GRIN1: variants seen among roughly 807,000 people sequenced by gnomAD.
GRIN1 encodes the protein glutamate ionotropic receptor NMDA type subunit 1.
In GRIN1, 38 loss-of-function variants were observed where a neutral mutation model predicts 103.0. The ratio of observed to expected loss-of-function variants is 0.37; its 90% CI spans 0.28 to 0.48. The LOEUF (loss-of-function observed/expected upper bound fraction) is 0.48. Among genes scored for constraint, GRIN1 ranks in the 20% least tolerant of loss-of-function variants. The probability of loss-of-function intolerance (pLI) is 0.98; values close to 1 mark genes in which losing one functional copy is unlikely to be tolerated. For missense variants in GRIN1, 577 were observed against 1,288.9 expected (o/e 0.45, Z 8.46); for synonymous variants, 544 against 532.7 (o/e 1.02, Z -0.29).
rs1832542552 is a variant in GRIN1, at chr9:137,146,541, CT to C, written c.570+640del. Among the ~76,000 whole-genome samples the C allele has an allele frequency of 3.3e-5, 5 of 152,226 alleles. No homozygotes were observed. The highest frequency in any genetic ancestry group is 3.3e-4 in the Admixed American group (5 of 15,288). ...ATTAGCCACCTGGTTCTAGGACACACTGACCCCCAACACAGCCAGGCGTCCA... is the reference window on the plus strand; with the variant it reads ...ATTAGCCACCTGGTTCTAGGACACACGACCCCCAACACAGCCAGGCGTCCA... On this transcript the variant is annotated intron_variant, in intron 3 of 19. Coordinates refer to ENST00000371561, the MANE Select transcript of GRIN1 (RefSeq NM_007327.4). The surrounding 1 kb of genome is among the most constrained non-coding windows in gnomAD (Gnocchi z 6.7).
At chr9:137,147,055 C>T (rs963244040) in intron 3 of GRIN1, among the ~76,000 whole-genome samples, 2 of 149,470 alleles carry the variant, frequency 1.3e-5, no homozygotes, top group Admixed American at 6.6e-5. Flanking sequence ...CCCCAGCACC[C>T]GACAGGCCCC....
At chr9:137,145,669 TG>T in intron 2 of GRIN1, 56 bp from the exon 3 acceptor site, 1 of 984,886 alleles carries the variant, frequency 1.0e-6, no homozygotes, top group Non-Finnish European at 1.3e-6. Context: ...GGGAGGCGGG[TG>T]GGAGGGCGGG....
chr9:137,160,714 G>A (rs763727576), intron 8 of GRIN1, among the ~76,000 whole-genome samples: 14 of 152,216 alleles, frequency 9.2e-5, no homozygotes, highest in African/African-American at 1.4e-4. Flanking sequence ...ACAGGCGTGA[G>A]CCACAGCACC....
chr9:137,145,505 C>T (rs1342053350), intron 2 of GRIN1, among the ~76,000 whole-genome samples: 2 of 81,438 alleles, frequency 2.5e-5, no homozygotes, highest in East Asian at 4.0e-4. Flanking sequence ...GTGGGAGACA[C>T]GAGGGGGTCC....
Position 137,167,675 on chromosome 9 carries a change from C to CGCCGGTTG in GRIN1, c.*154_*161dup. On this transcript the variant is annotated 3_prime_UTR_variant, in exon 20 of 20. Coordinates refer to ENST00000371561, the MANE Select transcript of GRIN1 (RefSeq NM_007327.4). ...CTCCCCCAGGCTGCGCCTGCCCGCC[C>CGCCGGTTG]GCCGGTTGGCCGGCTGGCCGGTCCA... 1 of 1,544,414 alleles carries CGCCGGTTG rather than the reference C, an allele frequency of 6.5e-7. No homozygotes were observed. Among genetic ancestry groups the CGCCGGTTG allele is most frequent in the South Asian group, 1.2e-5 (1 of 83,322 alleles).
chr9:137,149,036 G>A lies in GRIN1; in HGVS notation c.598G>A (p.Gly200Arg). The A allele has an allele frequency of 6.2e-7, 1 of 1,613,616 alleles. No homozygotes were observed. Among genetic ancestry groups the A allele is most frequent in the Non-Finnish European group, 8.5e-7 (1 of 1,179,716 alleles). ...AGAGAAGGTGCTGCAGTTTGACCCA[G>A]GGACCAAGAACGTGACGGCCCTGCT... ...KAEKVLQFDP[G>R]TKNVTALLME... Residue 200 changes from glycine to arginine, a missense_variant, in exon 4 of 20, where the codon GGG (glycine) becomes AGG (arginine). Physicochemically the swap from Gly to Arg is moderately radical, Grantham distance 125. Coordinates refer to ENST00000371561, the MANE Select transcript of GRIN1 (RefSeq NM_007327.4).
intron 2 of GRIN1, among the ~76,000 whole-genome samples, chr9:137,144,783 A>AG (rs1345116519): frequency 9.8e-5 from 2 of 20,440 alleles, no homozygotes; most frequent in Admixed American, 3.8e-4. Flanking sequence ...AAGTGTCCCC[A>AG]GGGTGGTAGG....
intron 2 of GRIN1, among the ~76,000 whole-genome samples, chr9:137,144,528 G>A (rs566251906): frequency 3.1e-4 from 47 of 152,156 alleles, no homozygotes; most frequent in East Asian, 2.9e-3. Context: ...GGTGGCGGGC[G>A]CCTGTAGTCT....
At chr9:137,150,780 TGCCCAGAAAAAAGA>T (rs1832815533) in intron 4 of GRIN1, among the ~76,000 whole-genome samples, 2 of 71,454 alleles carry the variant, frequency 2.8e-5, no homozygotes, top group Non-Finnish European at 5.4e-5. Flanking sequence ...AGGAAAGCCC[TGCCCAGAAAAAAGA>T]CCGCCCAGGG....
At chr9:137,156,133 CAG>C (rs1221611888) in intron 4 of GRIN1, among the ~76,000 whole-genome samples, 13 of 152,196 alleles carry the variant, frequency 8.5e-5, no homozygotes, top group African/African-American at 3.1e-4. Flanking sequence ...CCTCGGGACA[CAG>C]AGATATTGTG....
intron 18 of GRIN1, chr9:137,164,147 C>T (rs1411631350): frequency 1.8e-6 from 1 of 563,438 alleles, no homozygotes; most frequent in Non-Finnish European, 3.2e-6. Flanking sequence ...TGCTCCAAGC[C>T]TCCGCCTGGC....
At position 137,139,434 on chromosome 9, in the gene GRIN1, C is replaced by G; in HGVS notation, c.-53C>G. 1.1e-5 allele frequency: 15 copies of G among 1,344,670 alleles called. No individual in the cohort carries two copies. The highest frequency in any genetic ancestry group is 1.3e-5 in the Non-Finnish European group (14 of 1,042,472). The allele number at this position is 1,344,670 out of a possible 1,614,324, so 83.3% of individuals were successfully genotyped here. On this transcript the variant is annotated 5_prime_UTR_variant, in exon 1 of 20. Coordinates refer to ENST00000371561, the MANE Select transcript of GRIN1 (RefSeq NM_007327.4). The surrounding 1 kb of genome is among the most constrained non-coding windows in gnomAD (Gnocchi z 7.7). ...CGGCCCGGAAGCCCCGCGGGGGATG[C>G]GCCGAGGGCCCCGCGTTCGCGCCGC...
chr9:137,163,635 GC>G lies in GRIN1; in HGVS notation c.2414del (p.Pro805LeufsTer16), dbSNP rs766786160. Reference protein sequence around the residue: ...RYQECDSRSNAPATLTFENMA... With the variant: ...RYQECDSRSNXPATLTFENMA... ...TCAGGAATGTGACTCGCGCAGCAAC[GC>G]CCCTGCGACCCTTACTTTTGAGAAC... On this transcript the variant is annotated frameshift_variant, in exon 17 of 20. Coordinates refer to ENST00000371561, the MANE Select transcript of GRIN1 (RefSeq NM_007327.4). LOFTEE classifies it high-confidence loss of function. 1.2e-6 allele frequency: 2 copies of G among 1,613,492 alleles called. No homozygotes were observed. Among genetic ancestry groups the G allele is most frequent in the African/African-American group, 1.3e-5 (1 of 74,908 alleles).
chr9:137,149,665 C>A (rs1832730114), intron 4 of GRIN1, among the ~76,000 whole-genome samples: 1 of 152,210 alleles, frequency 6.6e-6, no homozygotes, highest in Non-Finnish European at 1.5e-5. Flanking sequence ...CTGTAAAAAG[C>A]TCCCTATTTG....
intron 4 of GRIN1, among the ~76,000 whole-genome samples, chr9:137,150,524 A>G (rs1054317764): frequency 6.7e-6 from 1 of 148,316 alleles, no homozygotes; most frequent in Admixed American, 6.7e-5. Flanking sequence ...AGCCCCGCCC[A>G]GAAAAAGACC....
At chr9:137,164,361 G>T in intron 18 of GRIN1, 1 of 263,090 alleles carries the variant, frequency 3.8e-6, no homozygotes, top group Non-Finnish European at 7.5e-6. Flanking sequence ...AATTGGGCCA[G>T]GTCCGGTCCT....
intron 4 of GRIN1, among the ~76,000 whole-genome samples, chr9:137,150,445 AAAAGCCCGCCCAGGG>A (rs1832779800): frequency 6.7e-6 from 1 of 149,694 alleles, no homozygotes; most frequent in African/African-American, 2.5e-5. Context: ...CCACCCAGAT[AAAAGCCCGCCCAGGG>A]AAAGCCCCGC....
chr9:137,160,434 G>T (rs1345529866), intron 8 of GRIN1, among the ~76,000 whole-genome samples: 1 of 151,682 alleles, frequency 6.6e-6, no homozygotes, highest in African/African-American at 2.4e-5. Context: ...AGGGAATCAT[G>T]TCTTTTTTTT....
At chr9:137,152,236 T>G (rs1309629356) in intron 4 of GRIN1, among the ~76,000 whole-genome samples, 1 of 152,226 alleles carries the variant, frequency 6.6e-6, no homozygotes, top group Non-Finnish European at 1.5e-5. Context: ...TTTTCTGAAT[T>G]GTTTACACTT....
Sources: gnomAD v4.1 joint callset for allele counts (sites outside exome capture counted in the v4.1 genomes callset) on GRCh38, gnomAD v4.1.1 for gene constraint, Gnocchi (gnomAD v3.1) non-coding constraint, MANE v1.5 for transcripts, NCBI Gene and HGNC (gene_info 2026-07-23, HGNC 2026-07-21) for gene names.